The following GABRB3 variants were observed in gnomAD, a reference collection of about 807,000 sequenced individuals.
GABRB3 encodes the protein gamma-aminobutyric acid type A receptor subunit beta3, also known as gamma-aminobutyric acid receptor subunit beta-3.
Under a neutral mutation model 52.1 loss-of-function variants are expected in GABRB3, and 14 were observed. The observed-to-expected ratio is 0.27, with a 90% CI of 0.18 to 0.42. The LOEUF (loss-of-function observed/expected upper bound fraction) is 0.42. Among genes scored for constraint, GABRB3 ranks in the 10% least tolerant of loss-of-function variants. The pLI, the probability that GABRB3 is intolerant of heterozygous loss-of-function variation, is 1.00. For missense variants in GABRB3, 307 were observed against 609.1 expected, an observed-to-expected ratio of 0.50 and a Z score of 5.22; for synonymous variants, 260 against 232.3, an observed-to-expected ratio of 1.12 and a Z score of -1.08.
At chr15:26,639,497 A>T (rs1893144711) in intron 3 of GABRB3, among the ~76,000 whole-genome samples, 1 of 152,298 alleles carries the variant, frequency 6.6e-6, no homozygotes, top group East Asian at 1.9e-4. Flanking sequence ...ATACGAGAGG[A>T]TATGTGTAGG....
At chr15:26,625,113 T>C (rs1225997646) in intron 3 of GABRB3, 5 of 306,502 alleles carry the variant, frequency 1.6e-5, no homozygotes, top group Non-Finnish European at 1.9e-5. Flanking sequence ...ATAGTGGAAC[T>C]TGAAGTTCGG....
intron 8 of GABRB3, among the ~76,000 whole-genome samples, chr15:26,554,157 T>A (rs1323275626): frequency 5.3e-4 from 19 of 35,734 alleles, no homozygotes; most frequent in African/African-American, 1.7e-3. Context: ...TATATATATA[T>A]AAAGTATATA....
chr15:26,645,828 G>A (rs1340840810), intron 3 of GABRB3, among the ~76,000 whole-genome samples: 1 of 152,064 alleles, frequency 6.6e-6, no homozygotes, highest in Non-Finnish European at 1.5e-5. Context: ...GAGTGCAGTG[G>A]CCTTTGAAGC....
chr15:26,599,179 G>C (rs1002777366), intron 4 of GABRB3, among the ~76,000 whole-genome samples: 1 of 152,176 alleles, frequency 6.6e-6, no homozygotes, highest in East Asian at 1.9e-4. Context: ...AAACCAGAAA[G>C]TCAAGCAGTG....
At chr15:26,635,767 A>G (rs2140565185) in intron 3 of GABRB3, among the ~76,000 whole-genome samples, 1 of 152,296 alleles carries the variant, frequency 6.6e-6, no homozygotes, top group South Asian at 2.1e-4. Flanking sequence ...GGATTTCCTC[A>G]CCTCAAAGAC....
intron 3 of GABRB3, among the ~76,000 whole-genome samples, chr15:26,642,734 G>C (rs1471565568): frequency 6.6e-5 from 10 of 151,752 alleles, no homozygotes; most frequent in Non-Finnish European, 1.5e-5. Flanking sequence ...TGAGTTATTT[G>C]CGAGAAAGAT....
In GABRB3 at chr15:26,554,043, A is replaced by ATATATATATATATATATATATATATT. The variant is rs1487375439; in HGVS notation, c.1081-5910_1081-5909insAATATATATATATATATATATATATA. Among the ~76,000 whole-genome samples, 33 of 108,118 alleles carry ATATATATATATATATATATATATATT rather than the reference A, an allele frequency of 3.1e-4. 2 individuals carry two copies. The highest frequency in any genetic ancestry group is 1.0e-3 in the African/African-American group (28 of 26,878). 70.9% of individuals were successfully genotyped at this position (108,118 alleles called of 152,430 possible). ...TATTTATATATATATATATTTATTT[A>ATATATATATATATATATATATATATT]TTTATATTTATTTATATATAAAGTG... On this transcript the variant is annotated intron_variant, in intron 8 of 8. Coordinates refer to ENST00000311550, the MANE Select transcript of GABRB3 (RefSeq NM_000814.6).
chr15:26,685,580 A>C (rs1240366013), intron 3 of GABRB3, among the ~76,000 whole-genome samples: 1 of 152,238 alleles, frequency 6.6e-6, no homozygotes, highest in East Asian at 1.9e-4. Flanking sequence ...GGTATCAAGC[A>C]GATGAGATTA....
At chr15:26,636,582 C>T (rs1287184138) in intron 3 of GABRB3, among the ~76,000 whole-genome samples, 1 of 152,198 alleles carries the variant, frequency 6.6e-6, no homozygotes, top group Non-Finnish European at 1.5e-5. Flanking sequence ...CCTCTAGCTG[C>T]ATGGCTGATC....
intron 3 of GABRB3, among the ~76,000 whole-genome samples, chr15:26,639,484 T>C (rs1893144258): frequency 6.6e-6 from 1 of 152,146 alleles, no homozygotes; most frequent in Non-Finnish European, 1.5e-5. Flanking sequence ...GATGATTTAA[T>C]GCATACGAGA....
At chr15:26,698,242 A>G (rs1329985883) in intron 3 of GABRB3, among the ~76,000 whole-genome samples, 2 of 152,244 alleles carry the variant, frequency 1.3e-5, no homozygotes, top group African/African-American at 4.8e-5. Flanking sequence ...AATTAGAAAC[A>G]GGGAGAAAAT....
chr15:26,640,711 C>A (rs1028975564), intron 3 of GABRB3, among the ~76,000 whole-genome samples: 1 of 152,178 alleles, frequency 6.6e-6, no homozygotes, highest in Non-Finnish European at 1.5e-5. Flanking sequence ...TTCAAAGTGT[C>A]CTTTATGTTT....
Position 26,619,786 on chromosome 15 carries a change from GCTT to G in GABRB3, c.461+1525_461+1527del, listed in dbSNP as rs1000239479. On this transcript the variant is annotated intron_variant, in intron 4 of 8. Coordinates refer to ENST00000311550, the MANE Select transcript of GABRB3 (RefSeq NM_000814.6). ...CCTAGATTAATTTTTGTTGATATTT[GCTT>G]TTTTGCTCTTCCCCATCACACACAC... Among the ~76,000 whole-genome samples the G allele has an allele frequency of 9.0e-5, 13 of 144,664 alleles. 1 individual carries two copies. The highest frequency in any genetic ancestry group is 2.7e-4 in the African/African-American group (10 of 37,704). The allele number at this position is 144,664 out of a possible 152,430, so 94.9% of individuals were successfully genotyped here. A position where few individuals can be genotyped will look rare whatever the true frequency, so the allele number is the denominator to read the frequency against.
chr15:26,726,659 G>C (rs1050276237), intron 3 of GABRB3, among the ~76,000 whole-genome samples: 3 of 152,144 alleles, frequency 2.0e-5, no homozygotes, highest in Admixed American at 1.3e-4. Context: ...ATGTCATAGA[G>C]GTGATGCTGT....
intron 3 of GABRB3, chr15:26,624,287 G>T: frequency 1.0e-6 from 1 of 985,676 alleles, no homozygotes. Context: ...TGTGTTAGTG[G>T]TGGCGACCAC....
chr15:26,674,214 C>T (rs1281933808), intron 3 of GABRB3, among the ~76,000 whole-genome samples: 3 of 151,292 alleles, frequency 2.0e-5, no homozygotes, highest in African/African-American at 7.3e-5. Flanking sequence ...CCAGCCTGGC[C>T]CACACGGTAA....
intron 3 of GABRB3, among the ~76,000 whole-genome samples, chr15:26,743,741 G>A (rs926349449): frequency 1.3e-5 from 2 of 152,088 alleles, no homozygotes; most frequent in African/African-American, 4.8e-5. Flanking sequence ...CCCATCTGCT[G>A]ATCACCTCTC....
intron 4 of GABRB3, among the ~76,000 whole-genome samples, chr15:26,609,879 C>G (rs1892002917): frequency 6.6e-6 from 1 of 152,084 alleles, no homozygotes; most frequent in Admixed American, 6.6e-5. Flanking sequence ...CCCAATTGTC[C>G]CATAGAACTG....
At chr15:26,592,754 G>T (rs1298033005) in intron 4 of GABRB3, among the ~76,000 whole-genome samples, 2 of 151,998 alleles carry the variant, frequency 1.3e-5, no homozygotes. Context: ...TTAAAATTCG[G>T]ATTCTGTCCC....
Sources: gnomAD v4.1 joint callset for allele counts (sites outside exome capture counted in the v4.1 genomes callset) on GRCh38, gnomAD v4.1.1 for gene constraint, MANE v1.5 for transcripts, NCBI Gene and HGNC (gene_info 2026-07-23, HGNC 2026-07-21) for gene names.